The following LRP1B variants were observed in gnomAD, a reference collection of about 807,000 sequenced individuals.
The protein encoded by LRP1B is low-density lipoprotein receptor-related protein 1B.
LRP1B carries 217 observed loss-of-function variants against 556.6 expected under a neutral mutation model. The ratio of observed to expected loss-of-function variants is 0.39; its 90% CI spans 0.35 to 0.44. The LOEUF (loss-of-function observed/expected upper bound fraction) is 0.44, where lower values mean the gene tolerates loss of function less well. LRP1B is among the 20% of genes least tolerant of loss of function. The probability of loss-of-function intolerance (pLI) is 1.00; values close to 1 mark genes in which losing one functional copy is unlikely to be tolerated. For synonymous variants in LRP1B, 2,047 were observed against 1,865.8 expected (o/e 1.10, Z -2.50); for missense variants, 5,053 against 5,620.8 (o/e 0.90, Z 3.23).
At chr2:140,912,967 C>CA (rs1407646546) in intron 21 of LRP1B, among the ~76,000 whole-genome samples, 6 of 150,958 alleles carry the variant, frequency 4.0e-5, no homozygotes, top group Non-Finnish European at 8.9e-5. Context: ...AAAAAGATAA[C>CA]AAATGTTGTA....
chr2:141,298,132 GCAA>G (rs1393322957), intron 3 of LRP1B, among the ~76,000 whole-genome samples: 2 of 152,062 alleles, frequency 1.3e-5, no homozygotes, highest in Non-Finnish European at 2.9e-5. Flanking sequence ...TCAGCACCTG[GCAA>G]AATGTCTCTC....
At position 140,867,779 on chromosome 2, in the gene LRP1B, G is replaced by T. The variant is rs780902396; in HGVS notation, c.4390C>A (p.Arg1464=). 3.2e-5 allele frequency: 52 copies of T among 1,605,036 alleles called. No homozygotes were observed. Among genetic ancestry groups the T allele is most frequent in the Non-Finnish European group, 4.2e-5 (49 of 1,175,366 alleles). ...GGATGGGAAAGGTATTCATGACCTC[G>T]GATGATTTCTATCATGTTTGTTCCA... ...YDGTNMIEII[R]GHEYLSHPFA... The change falls in exon 27 of 91, where the codon CGA becomes AGA. Residue 1464 remains arginine, a synonymous_variant. Coordinates refer to ENST00000389484, the MANE Select transcript of LRP1B (RefSeq NM_018557.3).
intron 1 of LRP1B, among the ~76,000 whole-genome samples, chr2:142,063,813 G>A (rs546367937): frequency 1.3e-5 from 2 of 151,418 alleles, no homozygotes; most frequent in African/African-American, 2.4e-5. Context: ...AGTAGAAATC[G>A]TCATACGAAA....
intron 18 of LRP1B, among the ~76,000 whole-genome samples, chr2:140,971,782 C>T (rs371948419): frequency 6.6e-6 from 1 of 152,126 alleles, no homozygotes; most frequent in African/African-American, 2.4e-5. Flanking sequence ...TGCAGTGAGC[C>T]GAGATGGCGC....
chr2:141,136,982 T>A (rs1035831075), intron 7 of LRP1B, among the ~76,000 whole-genome samples: 4 of 151,896 alleles, frequency 2.6e-5, no homozygotes, highest in African/African-American at 9.7e-5. Flanking sequence ...AATTATGAAA[T>A]CCATACACTG....
intron 7 of LRP1B, among the ~76,000 whole-genome samples, chr2:141,157,591 T>A (rs1702099479): frequency 6.6e-6 from 1 of 152,104 alleles, no homozygotes; most frequent in Non-Finnish European, 1.5e-5. Context: ...TTCCTACAGT[T>A]CGATTCATTC....
Position 142,115,592 on chromosome 2 carries a change from TTA to T in LRP1B, c.82+15054_82+15055del, listed in dbSNP as rs796873732. 1.5e-3 allele frequency among the ~76,000 whole-genome samples: 30 copies of T among 20,640 alleles called. 1 individual carries two copies. The highest frequency in any genetic ancestry group is 3.0e-3 in the African/African-American group (20 of 6,722). The allele number at this position is 20,640 out of a possible 152,430, so 13.5% of individuals were successfully genotyped here. ...ATATATTATATATGTAATATATATA[TTA>T]TATATGTAATATATATTATATATAT... On this transcript the variant is annotated intron_variant, in intron 1 of 90. Transcript: ENST00000389484.
intron 2 of LRP1B, among the ~76,000 whole-genome samples, chr2:141,593,581 A>G (rs11895625): frequency 0.37 from 3,312 of 8,980 alleles, 1,492 homozygotes; most frequent in Middle Eastern, 0.5. Context: ...AGCCGGGCGC[A>G]GTGGCGGGCG....
intron 2 of LRP1B, among the ~76,000 whole-genome samples, chr2:141,744,692 A>T (rs1693848424): frequency 6.6e-6 from 1 of 152,112 alleles, no homozygotes; most frequent in African/African-American, 2.4e-5. Flanking sequence ...ATTGGACTCT[A>T]GTGCCTTATT....
intron 2 of LRP1B, among the ~76,000 whole-genome samples, chr2:141,556,244 G>C (rs1384662): frequency 6.6e-6 from 1 of 151,604 alleles, no homozygotes; most frequent in African/African-American, 2.4e-5. Context: ...AAGAATGTAC[G>C]GGCATTGAAG....
At position 141,467,102 on chromosome 2, in the gene LRP1B, G is replaced by GTATATA. The variant is rs1384566758; in HGVS notation, c.343+13288_343+13293dup. The stretch of plus-strand genomic sequence containing the variant: ...TACACACACACACACATATATATGT[G>GTATATA]TATATATATATATATATATATCTAT... On this transcript the variant is annotated intron_variant, in intron 3 of 90. Transcript: ENST00000389484. 5.8e-4 allele frequency among the ~76,000 whole-genome samples: 49 copies of GTATATA among 84,376 alleles called. 2 individuals are homozygous for GTATATA. The highest frequency in any genetic ancestry group is 2.7e-3 in the African/African-American group (46 of 17,024). 55.4% of individuals were successfully genotyped at this position (84,376 alleles called of 152,430 possible).
At chr2:141,190,739 G>T (rs999915503) in intron 6 of LRP1B, among the ~76,000 whole-genome samples, 1 of 151,872 alleles carries the variant, frequency 6.6e-6, no homozygotes, top group Admixed American at 6.6e-5. Context: ...ATTATACTTT[G>T]ATACTTCCTT....
chr2:140,941,546 A>G (rs1373279711), intron 20 of LRP1B, among the ~76,000 whole-genome samples: 2 of 152,126 alleles, frequency 1.3e-5, no homozygotes, highest in African/African-American at 4.8e-5. Flanking sequence ...GTAAAAGCCT[A>G]CCTGCCAGCC....
intron 66 of LRP1B, among the ~76,000 whole-genome samples, chr2:140,403,224 A>G (rs1193060278): frequency 6.6e-6 from 1 of 152,188 alleles, no homozygotes; most frequent in Non-Finnish European, 1.5e-5. Flanking sequence ...ACATGATAAA[A>G]CAAGGTTCTC....
chr2:140,503,929 T>C (rs934548199), intron 53 of LRP1B, among the ~76,000 whole-genome samples: 2 of 152,106 alleles, frequency 1.3e-5, no homozygotes, highest in Non-Finnish European at 2.9e-5. Flanking sequence ...TTTAAATTAT[T>C]ATCATATTGG....
intron 7 of LRP1B, among the ~76,000 whole-genome samples, chr2:141,188,200 T>C (rs191716259): frequency 6.6e-6 from 1 of 152,034 alleles, no homozygotes; most frequent in Middle Eastern, 3.2e-3. Context: ...AGGTTATTTG[T>C]GTCTTACATT....
At chr2:141,911,021 T>C (rs1699895522) in intron 1 of LRP1B, among the ~76,000 whole-genome samples, 1 of 152,072 alleles carries the variant, frequency 6.6e-6, no homozygotes, top group South Asian at 2.1e-4. Context: ...TACAGGTACA[T>C]ATACACATGC....
At chr2:141,603,129 T>A (rs1193085888) in intron 2 of LRP1B, among the ~76,000 whole-genome samples, 1 of 152,220 alleles carries the variant, frequency 6.6e-6, no homozygotes, top group East Asian at 1.9e-4. Context: ...TGTGTCACTC[T>A]TAGATTCCTG....
intron 66 of LRP1B, among the ~76,000 whole-genome samples, chr2:140,403,400 T>A (rs1684592210): frequency 6.6e-6 from 1 of 152,040 alleles, no homozygotes; most frequent in South Asian, 2.1e-4. Context: ...ATAAAAAATT[T>A]TCGAGAGAGA....
Sources: gnomAD v4.1 joint callset for allele counts (sites outside exome capture counted in the v4.1 genomes callset) on GRCh38, gnomAD v4.1.1 for gene constraint, MANE v1.5 for transcripts, NCBI Gene and HGNC (gene_info 2026-07-23, HGNC 2026-07-21) for gene names.